Variants in LARGE1 observed in about 807,000 individuals in gnomAD.
The protein encoded by LARGE1 is xylosyl- and glucuronyltransferase LARGE1.
Under a neutral mutation model 87.6 loss-of-function variants are expected in LARGE1, and 43 were observed. The observed-to-expected ratio is 0.49, with a 90% confidence interval of 0.38 to 0.63. The LOEUF (loss-of-function observed/expected upper bound fraction) is 0.63, where lower values mean the gene tolerates loss of function less well. LARGE1 is among the 30% of genes least tolerant of loss of function. The pLI is 0.00. For missense variants in LARGE1, 802 were observed against 1,000.2 expected (o/e 0.80, Z 2.67); for synonymous variants, 434 against 394.6 (o/e 1.10, Z -1.18).
At chr22:33,615,411 C>T (rs1156567439) in intron 4 of LARGE1, among the ~76,000 whole-genome samples, 1 of 152,130 alleles carries the variant, frequency 6.6e-6, no homozygotes, top group Non-Finnish European at 1.5e-5. Flanking sequence ...AATCTTTTAA[C>T]ATTGGGTTAG....
intron 1 of LARGE1, among the ~76,000 whole-genome samples, chr22:33,784,137 C>A (rs1199840830): frequency 6.6e-6 from 1 of 152,170 alleles, no homozygotes; most frequent in Non-Finnish European, 1.5e-5. Context: ...AATGGCTTTT[C>A]GTTTCGTTTT....
chr22:33,738,904 G>A (rs1241595971), intron 2 of LARGE1, among the ~76,000 whole-genome samples: 6 of 149,562 alleles, frequency 4.0e-5, no homozygotes, highest in Admixed American at 4.0e-4. Context: ...GAAACTGTAT[G>A]TCCCCATGTA....
At chr22:33,094,905 G>C in the LARGE1 span, among the ~76,000 whole-genome samples, 1 of 152,148 alleles carries the variant, frequency 6.6e-6, no homozygotes, top group East Asian at 1.9e-4. Context: ...TTTTAGTAGA[G>C]ATAGGGTTTC....
chr22:33,526,662 C>CA (rs1197491289), intron 6 of LARGE1, among the ~76,000 whole-genome samples: 1 of 152,250 alleles, frequency 6.6e-6, no homozygotes, highest in Non-Finnish European at 1.5e-5. Context: ...ACACAGAACA[C>CA]AAGTCCATCA....
intron 2 of LARGE1, among the ~76,000 whole-genome samples, chr22:33,697,579 A>T (rs1454270801): frequency 8.0e-6 from 1 of 125,150 alleles, no homozygotes; most frequent in Non-Finnish European, 1.7e-5. Context: ...AAGGAAATAC[A>T]TCTCTTTCTG....
intron 2 of LARGE1, among the ~76,000 whole-genome samples, chr22:33,651,240 A>AAAAAAAAAAAAAAAAAAAAAC (rs1218968780): frequency 6.9e-6 from 1 of 144,190 alleles, no homozygotes. Flanking sequence ...AAAAAAAAAA[A>AAAAAAAAAAAAAAAAAAAAAC]AATTAGCCGG....
intron 2 of LARGE1, among the ~76,000 whole-genome samples, chr22:33,719,230 G>A (rs912503925): frequency 1.3e-5 from 2 of 152,168 alleles, no homozygotes; most frequent in Admixed American, 1.3e-4. Context: ...TACGACAAGA[G>A]TCAAAAAGCT....
intron 6 of LARGE1, among the ~76,000 whole-genome samples, chr22:33,468,691 G>A (rs1329876941): frequency 6.6e-6 from 1 of 152,122 alleles, no homozygotes; most frequent in Admixed American, 6.5e-5. Flanking sequence ...GTATGGATTA[G>A]GAAACTGAAG....
At chr22:33,766,558 G>A (rs546831305) in intron 1 of LARGE1, among the ~76,000 whole-genome samples, 1 of 152,116 alleles carries the variant, frequency 6.6e-6, no homozygotes, top group Non-Finnish European at 1.5e-5. Flanking sequence ...CCGAATAGCT[G>A]GGATTACAGG....
chr22:33,551,411 A>G (rs1002445164), intron 6 of LARGE1, among the ~76,000 whole-genome samples: 1 of 152,202 alleles, frequency 6.6e-6, no homozygotes, highest in Non-Finnish European at 1.5e-5. Flanking sequence ...ATTACTGTTC[A>G]AAAGGCAGAG....
intron 7 of LARGE1, among the ~76,000 whole-genome samples, chr22:33,424,159 T>C (rs948618043): frequency 6.6e-6 from 1 of 152,224 alleles, no homozygotes; most frequent in African/African-American, 2.4e-5. Flanking sequence ...GACATTGAGA[T>C]TCACTTTCTC....
intron 2 of LARGE1, among the ~76,000 whole-genome samples, chr22:33,684,098 A>C (rs899610057): frequency 2.0e-5 from 3 of 152,202 alleles, no homozygotes; most frequent in African/African-American, 7.2e-5. Context: ...TTAATAAGAC[A>C]CGAGGCAAGA....
intron 6 of LARGE1, among the ~76,000 whole-genome samples, chr22:33,523,979 C>T (rs1487363181): frequency 6.6e-6 from 1 of 152,044 alleles, no homozygotes; most frequent in East Asian, 1.9e-4. Flanking sequence ...CTAAAATCTC[C>T]TTAAATCTAC....
chr22:33,227,692 C>A (rs1030768572), intron 11 of LARGE1, among the ~76,000 whole-genome samples: 4 of 152,186 alleles, frequency 2.6e-5, no homozygotes, highest in Admixed American at 6.5e-5. Context: ...GTTCTAAGAA[C>A]TGAAGCTTTT....
chr22:33,738,004 A>G (rs2083720826), intron 2 of LARGE1, among the ~76,000 whole-genome samples: 2 of 152,200 alleles, frequency 1.3e-5, no homozygotes, highest in South Asian at 2.1e-4. Flanking sequence ...GCCAGCAACT[A>G]AAAGGAAACT....
At chr22:33,889,273 G>T (rs190581153) in intron 1 of LARGE1, 1 of 152,320 alleles carries the variant, frequency 6.6e-6, no homozygotes, top group East Asian at 1.9e-4. Context: ...GTTTGCAAGT[G>T]TATGTCTGAC....
chr22:33,629,226 G>A (rs1034026805), intron 3 of LARGE1, among the ~76,000 whole-genome samples: 1 of 152,130 alleles, frequency 6.6e-6, no homozygotes, highest in Non-Finnish European at 1.5e-5. Flanking sequence ...ATAGGAAAAC[G>A]CCTGCACATG....
At chr22:33,216,293 G>A (rs921140458) in intron 11 of LARGE1, among the ~76,000 whole-genome samples, 1 of 152,128 alleles carries the variant, frequency 6.6e-6, no homozygotes, top group African/African-American at 2.4e-5. Context: ...GTTGGGAGGT[G>A]GGACCTAGTG....
chr22:33,550,461 T>C (rs2077493564), intron 6 of LARGE1, among the ~76,000 whole-genome samples: 1 of 152,126 alleles, frequency 6.6e-6, no homozygotes, highest in Admixed American at 6.5e-5. Flanking sequence ...CTGCTGAACA[T>C]CCCACAGTGT....
Sources: allele counts gnomAD v4.1 joint callset (sites outside exome capture counted in the v4.1 genomes callset), GRCh38; gene constraint gnomAD v4.1.1; transcripts MANE v1.5; gene names NCBI Gene and HGNC (gene_info 2026-07-23, HGNC 2026-07-21).